The following PPP1R9A variants were observed in gnomAD, a reference collection of about 807,000 sequenced individuals.
PPP1R9A encodes the protein neurabin-1.
PPP1R9A carries 59 observed loss-of-function variants against 141.9 expected under a neutral mutation model. The ratio of observed to expected loss-of-function variants is 0.42; its 90% CI spans 0.34 to 0.52. The LOEUF (loss-of-function observed/expected upper bound fraction) is 0.52, where lower values mean the gene tolerates loss of function less well. Among genes scored for constraint, PPP1R9A ranks in the 20% least tolerant of loss-of-function variants. PPP1R9A has a pLI of 0.10. For missense variants in PPP1R9A, 1,444 were observed against 1,611.9 expected, an observed-to-expected ratio of 0.90 and a Z score of 1.78; for synonymous variants, 500 against 569.7, an observed-to-expected ratio of 0.88 and a Z score of 1.74.
At position 95,237,203 on chromosome 7, in the gene PPP1R9A, G is replaced by GT. The variant is rs1167387469; in HGVS notation, c.2113-10260dup. ...TATTTTTTTTTTTTTATGGTTTTTT[G>GT]TTTTTTTTTTGAGATGGAGTCTCAC... On this transcript the variant is annotated intron_variant, in intron 8 of 19. Transcript: ENST00000433360. Among the ~76,000 whole-genome samples, 160 of 137,790 alleles carry GT rather than the reference G, an allele frequency of 1.2e-3. No individual in the cohort carries two copies. In the Middle Eastern group the frequency reaches 0.015, roughly 13 times the overall value. The allele number at this position is 137,790 out of a possible 152,430, so 90.4% of individuals were successfully genotyped here. A position where few individuals can be genotyped will look rare whatever the true frequency, so the allele number is the denominator to read the frequency against.
At chr7:95,133,941 C>T (rs1030820168) in intron 4 of PPP1R9A, among the ~76,000 whole-genome samples, 6 of 152,140 alleles carry the variant, frequency 3.9e-5, no homozygotes, top group African/African-American at 1.4e-4. Context: ...GCCTCAGCCT[C>T]CCAAAGTTCT....
At chr7:95,167,157 A>G (rs1831388901) in intron 5 of PPP1R9A, among the ~76,000 whole-genome samples, 1 of 152,140 alleles carries the variant, frequency 6.6e-6, no homozygotes, top group South Asian at 2.1e-4. Flanking sequence ...AGCAAGTCAC[A>G]TCTTACATCT....
chr7:95,014,904 GT>G (rs555052415), intron 2 of PPP1R9A, among the ~76,000 whole-genome samples: 167 of 152,046 alleles, frequency 1.1e-3, no homozygotes, highest in African/African-American at 3.9e-3. Context: ...GTGGTTTAGT[GT>G]TTTGCTCGAA....
At chr7:95,054,716 T>C (rs1811284003) in intron 2 of PPP1R9A, among the ~76,000 whole-genome samples, 1 of 152,170 alleles carries the variant, frequency 6.6e-6, no homozygotes, top group South Asian at 2.1e-4. Context: ...TTGACTGGTC[T>C]AGGTTTGTAC....
At chr7:95,213,111 G>C (rs1447656115) in intron 7 of PPP1R9A, among the ~76,000 whole-genome samples, 4 of 151,788 alleles carry the variant, frequency 2.6e-5, no homozygotes, top group Non-Finnish European at 4.4e-5. Context: ...TCCTCCATGG[G>C]TTCTCCCTTC....
At chr7:94,927,861 T>G (rs1231649808) in intron 2 of PPP1R9A, among the ~76,000 whole-genome samples, 2 of 152,214 alleles carry the variant, frequency 1.3e-5, no homozygotes, top group African/African-American at 4.8e-5. Context: ...CACAGACCAT[T>G]GTTTAGTCCT....
intron 2 of PPP1R9A, among the ~76,000 whole-genome samples, chr7:94,946,369 A>G (rs1795897580): frequency 6.6e-6 from 1 of 152,136 alleles, no homozygotes. Flanking sequence ...TAGGAATCTT[A>G]GTTGGACAAT....
At chr7:95,071,167 A>T (rs141288041) in intron 2 of PPP1R9A, among the ~76,000 whole-genome samples, 2 of 152,182 alleles carry the variant, frequency 1.3e-5, no homozygotes, top group East Asian at 3.9e-4. Context: ...TGTCAGAATT[A>T]GCAGGCAATA....
At chr7:95,102,565 G>A (rs778694890) in intron 2 of PPP1R9A, among the ~76,000 whole-genome samples, 12 of 152,178 alleles carry the variant, frequency 7.9e-5, no homozygotes, top group Non-Finnish European at 1.8e-4. Context: ...CTCATTGACC[G>A]CTGCCTTACA....
rs1300403237 is a variant in PPP1R9A, at chr7:95,247,606, G to A, written c.2166+80G>A. The A allele has an allele frequency of 3.4e-6, 4 of 1,189,298 alleles. No homozygotes were observed. The Admixed American group carries it at 8.5e-5, about 25-fold the overall frequency. 73.7% of individuals were successfully genotyped at this position (1,189,298 alleles called of 1,614,324 possible). On this transcript the variant is annotated intron_variant, in intron 9 of 19. Coordinates refer to ENST00000433360, the MANE Select transcript of PPP1R9A (RefSeq NM_001166160.2). ...AATAAATCCAATCCTAGGACTAAAG[G>A]TTTTGTCCCTGTATATTTGAAAGAA... is the stretch of plus-strand genomic sequence containing the variant.
chr7:95,243,043 T>C (rs1238676475), intron 8 of PPP1R9A, among the ~76,000 whole-genome samples: 1 of 152,196 alleles, frequency 6.6e-6, no homozygotes, highest in Non-Finnish European at 1.5e-5. Context: ...CTCAACCTTT[T>C]ACCAACTATG....
At chr7:95,070,394 A>G (rs1813591249) in intron 2 of PPP1R9A, among the ~76,000 whole-genome samples, 1 of 151,950 alleles carries the variant, frequency 6.6e-6, no homozygotes, top group Non-Finnish European at 1.5e-5. Flanking sequence ...TTGAGTAAAC[A>G]TAGATCACCA....
chr7:95,054,636 G>C (rs1461535833), intron 2 of PPP1R9A, among the ~76,000 whole-genome samples: 1 of 151,886 alleles, frequency 6.6e-6, no homozygotes, highest in Admixed American at 6.6e-5. Context: ...TGGCTCCCTG[G>C]TCCCTGCTTG....
At chr7:95,115,930 A>G (rs894317284) in intron 3 of PPP1R9A, among the ~76,000 whole-genome samples, 1 of 151,698 alleles carries the variant, frequency 6.6e-6, no homozygotes, top group Non-Finnish European at 1.5e-5. Context: ...AAAAAAAAAA[A>G]AAAGAAAGAA....
At chr7:95,175,077 T>C (rs1296440885) in intron 5 of PPP1R9A, 2 of 152,192 alleles carry the variant, frequency 1.3e-5, no homozygotes, top group African/African-American at 4.8e-5. Context: ...GCCATCTTTT[T>C]GTAACCTAAA....
intron 2 of PPP1R9A, among the ~76,000 whole-genome samples, chr7:95,026,849 C>G (rs1408345860): frequency 2.0e-5 from 3 of 152,126 alleles, no homozygotes; most frequent in African/African-American, 7.2e-5. Context: ...AAGCTCTGCC[C>G]AGCTGGAACT....
At chr7:95,124,143 T>A in intron 4 of PPP1R9A, among the ~76,000 whole-genome samples, 1 of 152,188 alleles carries the variant, frequency 6.6e-6, no homozygotes, top group Admixed American at 6.5e-5. Flanking sequence ...AAATTATTAT[T>A]TCCACCACTA....
chr7:95,246,602 T>C (rs562800623), intron 8 of PPP1R9A, among the ~76,000 whole-genome samples: 3 of 152,314 alleles, frequency 2.0e-5, no homozygotes, highest in African/African-American at 7.2e-5. Flanking sequence ...TTGTAGAAGA[T>C]ACATCGTAAC....
rs563331694 is a variant in PPP1R9A at position 95,124,571 on chromosome 7, C to T, written c.1649+3739C>T. Among the ~76,000 whole-genome samples the T allele has an allele frequency of 3.9e-5, 6 of 152,112 alleles. 1 individual carries two copies. Among genetic ancestry groups the T allele is most frequent in the African/African-American group, 9.6e-5 (4 of 41,498 alleles). On this transcript the variant is annotated intron_variant, in intron 4 of 19. Coordinates refer to ENST00000433360, the MANE Select transcript of PPP1R9A (RefSeq NM_001166160.2). The stretch of plus-strand genomic sequence containing the variant: ...ACTAAAAATGATAAGATTTTCACCC[C>T]GAGGAAATTACTTGTCAGACCTCCT...
Sources: gnomAD v4.1 joint callset for allele counts (sites outside exome capture counted in the v4.1 genomes callset) on GRCh38, gnomAD v4.1.1 for gene constraint, MANE v1.5 for transcripts, NCBI Gene and HGNC (gene_info 2026-07-23, HGNC 2026-07-21) for gene names.